The following PRKCA variants were observed in gnomAD, a reference collection of about 807,000 sequenced individuals.
PRKCA encodes protein kinase C alpha, also known as protein kinase C alpha type.
In PRKCA, 27 loss-of-function variants were observed where a neutral mutation model predicts 87.0. The observed-to-expected ratio is 0.31, with a 90% CI of 0.23 to 0.43. PRKCA has a LOEUF of 0.43. Among genes scored for constraint, PRKCA ranks in the 20% least tolerant of loss-of-function variants. The pLI is 1.00. For synonymous variants in PRKCA, 329 were observed against 311.1 expected, an observed-to-expected ratio of 1.06 and a Z score of -0.61; for missense variants, 518 against 852.3, an observed-to-expected ratio of 0.61 and a Z score of 4.88.
At chr17:66,596,241 T>C (rs544618367) in intron 3 of PRKCA, among the ~76,000 whole-genome samples, 5 of 152,350 alleles carry the variant, frequency 3.3e-5, no homozygotes, top group African/African-American at 1.2e-4. Context: ...TACCGCTTTG[T>C]AACTTTGCTG....
At chr17:66,679,428 G>A (rs539535903) in intron 5 of PRKCA, among the ~76,000 whole-genome samples, 254 of 152,156 alleles carry the variant, frequency 1.7e-3, no homozygotes, top group Non-Finnish European at 2.7e-3. Context: ...TGATCCACCC[G>A]CCTTGGCCTC....
At chr17:66,390,794 G>A (rs983295441) in intron 2 of PRKCA, among the ~76,000 whole-genome samples, 2 of 152,194 alleles carry the variant, frequency 1.3e-5, no homozygotes, top group African/African-American at 4.8e-5. Context: ...CCTATGGGGT[G>A]AGCAGCCATA....
At chr17:66,719,249 A>C (rs1177073289) in intron 8 of PRKCA, among the ~76,000 whole-genome samples, 2 of 152,092 alleles carry the variant, frequency 1.3e-5, no homozygotes, top group Non-Finnish European at 2.9e-5. Context: ...GTAGTAGGAT[A>C]TGATGCAGTC....
intron 1 of PRKCA, among the ~76,000 whole-genome samples, chr17:66,305,122 C>A (rs1162856439): frequency 3.3e-5 from 5 of 152,252 alleles, no homozygotes; most frequent in Admixed American, 6.5e-5. Context: ...TGTAAACCAA[C>A]CAATTGGAAG....
chr17:66,456,897 TGTTTCAGTG>T (rs1914597528), intron 2 of PRKCA, among the ~76,000 whole-genome samples: 1 of 152,158 alleles, frequency 6.6e-6, no homozygotes, highest in Admixed American at 6.6e-5. Context: ...TGATGGGAGT[TGTTTCAGTG>T]GTTTAGGCTG....
chr17:66,310,172 T>C (rs951928807), intron 2 of PRKCA, among the ~76,000 whole-genome samples: 2 of 152,146 alleles, frequency 1.3e-5, no homozygotes, highest in African/African-American at 4.8e-5. Context: ...TAACATAGTT[T>C]GTTTCATCTG....
At position 66,721,506 on chromosome 17, in the gene PRKCA, A is replaced by G. The variant is rs140982251; in HGVS notation, c.919-11182A>G. 5.4e-3 allele frequency among the ~76,000 whole-genome samples: 824 copies of G among 151,242 alleles called. 9 individuals are homozygous for G. Among genetic ancestry groups the G allele is most frequent in the African/African-American group, 0.019 (782 of 41,146 alleles). On this transcript the variant is annotated intron_variant, in intron 8 of 16. Transcript: ENST00000413366. ...TGATCATATGCTTTAAAAGGTGTGG[A>G]TTATTCATGAGTTTTCTGGGAAAGG...
chr17:66,311,550 G>A (rs557265278), intron 2 of PRKCA, among the ~76,000 whole-genome samples: 2 of 152,258 alleles, frequency 1.3e-5, no homozygotes, highest in South Asian at 4.1e-4. Flanking sequence ...CTGGGAGGTC[G>A]AGGATGCAAT....
chr17:66,524,184 C>T (rs1374281138), intron 3 of PRKCA, among the ~76,000 whole-genome samples: 1 of 152,188 alleles, frequency 6.6e-6, no homozygotes, highest in East Asian at 1.9e-4. Context: ...ATTTACTGCA[C>T]TTCTTTCCCA....
At chr17:66,489,211 T>C (rs529010632) in intron 2 of PRKCA, among the ~76,000 whole-genome samples, 4 of 151,922 alleles carry the variant, frequency 2.6e-5, no homozygotes, top group Non-Finnish European at 5.9e-5. Flanking sequence ...TTTTCTTCAT[T>C]AATTTTGGAT....
At position 66,641,391 on chromosome 17, in the gene PRKCA, T is replaced by TA; in HGVS notation, c.326dup (p.Tyr109Ter). ...CAAGCACAAGTTCAAAATCCACACT[T>TA]ACGGAAGCCCCACCTTCTGCGATCA... Reference protein sequence around the residue: ...RSKHKFKIHTYGSPTFCDHCG... With the variant: ...RSKHKFKIHT Residue 109 changes from tyrosine (Y) to a stop codon, truncating the protein, a stop_gained and frameshift_variant, in exon 4 of 17, where the codon TAC (tyrosine) becomes TAAC (stop). Transcript: ENST00000413366. LOFTEE classifies it high-confidence loss of function. 1 of 1,612,732 alleles carries TA rather than the reference T, an allele frequency of 6.2e-7. No individual in the cohort carries two copies.
At chr17:66,766,764 C>A (rs1391522670) in intron 13 of PRKCA, among the ~76,000 whole-genome samples, 5 of 148,834 alleles carry the variant, frequency 3.4e-5, no homozygotes, top group African/African-American at 1.0e-4. Context: ...GCAGAGATTG[C>A]ACCATTGCAC....
chr17:66,304,002 A>C (rs1290409114), intron 1 of PRKCA, among the ~76,000 whole-genome samples: 2 of 152,048 alleles, frequency 1.3e-5, no homozygotes, highest in Admixed American at 6.5e-5. Flanking sequence ...ATTCCGTCTC[A>C]AAAAAAATGA....
chr17:66,466,657 T>C (rs150633502), intron 2 of PRKCA, among the ~76,000 whole-genome samples: 39 of 152,286 alleles, frequency 2.6e-4, no homozygotes, highest in African/African-American at 8.9e-4. Flanking sequence ...CCACATAAAA[T>C]CTAAACATCG....
At chr17:66,728,857 G>C (rs1055510684) in intron 8 of PRKCA, among the ~76,000 whole-genome samples, 1 of 152,246 alleles carries the variant, frequency 6.6e-6, no homozygotes, top group African/African-American at 2.4e-5. Flanking sequence ...GCGTGCTACA[G>C]TTGGAAACTG....
At chr17:66,545,224 C>A (rs549797460) in intron 3 of PRKCA, among the ~76,000 whole-genome samples, 1 of 152,064 alleles carries the variant, frequency 6.6e-6, no homozygotes, top group South Asian at 2.1e-4. Flanking sequence ...GTCAGGAGAT[C>A]GAGACCATCC....
chr17:66,589,099 T>C (rs1226555701), intron 3 of PRKCA, among the ~76,000 whole-genome samples: 1 of 152,116 alleles, frequency 6.6e-6, no homozygotes, highest in East Asian at 1.9e-4. Flanking sequence ...TCTGCCCACT[T>C]CCAGGTCATG....
chr17:66,631,726 A>G (rs1437255060), intron 3 of PRKCA, among the ~76,000 whole-genome samples: 1 of 152,218 alleles, frequency 6.6e-6, no homozygotes, highest in Non-Finnish European at 1.5e-5. Flanking sequence ...CTCAATGGAT[A>G]AATGTCTGAG....
chr17:66,540,299 A>G (rs1304602980), intron 3 of PRKCA, among the ~76,000 whole-genome samples: 2 of 152,258 alleles, frequency 1.3e-5, no homozygotes, highest in African/African-American at 4.8e-5. Context: ...CATTCAGCAC[A>G]GAGCCCAGCG....
Sources: gnomAD v4.1 joint callset for allele counts (sites outside exome capture counted in the v4.1 genomes callset) on GRCh38, gnomAD v4.1.1 for gene constraint, MANE v1.5 for transcripts, NCBI Gene and HGNC (gene_info 2026-07-23, HGNC 2026-07-21) for gene names.